Variants in DDX1 observed in about 807,000 individuals in gnomAD.
DDX1 encodes DEAD-box helicase 1.
In DDX1, 28 loss-of-function variants were observed where a neutral mutation model predicts 108.7. The observed-to-expected ratio is 0.26, with a 90% confidence interval of 0.19 to 0.35. The LOEUF (loss-of-function observed/expected upper bound fraction) is 0.35, where lower values mean the gene tolerates loss of function less well. Ranked by LOEUF, DDX1 falls within the 10% of genes least tolerant of loss-of-function variation. The pLI, the probability that DDX1 is intolerant of heterozygous loss-of-function variation, is 1.00. For synonymous variants in DDX1, 295 were observed against 288.9 expected, an observed-to-expected ratio of 1.02 and a Z score of -0.21; for missense variants, 710 against 884.5, an observed-to-expected ratio of 0.80 and a Z score of 2.50.
Position 15,596,721 on chromosome 2 carries a change from T to C in DDX1, c.133-13T>C, listed in dbSNP as rs925463549. On this transcript the variant is annotated splice_polypyrimidine_tract_variant and intron_variant, in intron 3 of 25. Coordinates refer to ENST00000233084, the MANE Select transcript of DDX1 (RefSeq NM_004939.3). ...ACTTAATCTGTAAAATCAACTTTTTTCCCCTCATTCAGGCTGCAGAAACAG... is the reference window on the plus strand; with the variant it reads ...ACTTAATCTGTAAAATCAACTTTTTCCCCCTCATTCAGGCTGCAGAAACAG... 3.1e-6 allele frequency: 5 copies of C among 1,610,614 alleles called. No individual in the cohort carries two copies. The African/African-American group carries it at 5.3e-5, about 17-fold the overall frequency.
At chr2:15,592,021 G>T in intron 1 of DDX1, 72 bp downstream of exon 1, 1 of 1,293,196 alleles carries the variant, frequency 7.7e-7, no homozygotes, top group South Asian at 2.0e-5. Context: ...CGCCCGCGGA[G>T]AGCTAAAGGG....
In DDX1 at chr2:15,618,203, A is replaced by G. The variant is rs1251441114; in HGVS notation, c.1139A>G (p.Tyr380Cys). ...CAGGATGGGCTTCTTTCTCAAGGTT[A>G]TTCTGATTTTATAAATAGGATGCAC... ...DEADGLLSQG[Y>C]SDFINRMHNQ... Residue 380 changes from tyrosine (Y) to cysteine (C), a missense_variant, in exon 16 of 26, where the codon TAT (tyrosine) becomes TGT (cysteine). Tyr to Cys is a radical substitution (Grantham distance 194). Transcript: ENST00000233084. 1 of 1,588,664 alleles carries G rather than the reference A, an allele frequency of 6.3e-7. No homozygotes were observed. The highest frequency in any genetic ancestry group is 1.1e-5 in the South Asian group (1 of 87,188).
chr2:15,597,304 C>A, intron 4 of DDX1, 71 bp from the exon 5 acceptor site: 1 of 969,300 alleles, frequency 1.0e-6, no homozygotes, highest in South Asian at 1.5e-5. Flanking sequence ...TAACTTTTGT[C>A]ATTTATATTG....
chr2:15,602,446 G>T (rs75048671), intron 6 of DDX1, 102 bp from the exon 7 acceptor site: 5 of 756,414 alleles, frequency 6.6e-6, no homozygotes, highest in South Asian at 3.1e-5. Flanking sequence ...GAATTATCTT[G>T]TTAGTGAGAC....
At chr2:15,613,319 C>T (rs1362784384) in intron 14 of DDX1, 35 bp downstream of exon 14, 2 of 1,459,314 alleles carry the variant, frequency 1.4e-6, no homozygotes, top group Non-Finnish European at 1.9e-6. Flanking sequence ...AACATAATGT[C>T]ATGGGCTGTC....
chr2:15,619,476 T>C lies in DDX1; in HGVS notation c.1207-732T>C, dbSNP rs181885734. On this transcript the variant is annotated intron_variant, in intron 16 of 25. Transcript: ENST00000233084. Reference sequence around the variant, plus strand: ...CCACTGCAGCTCCTGCAGCCTCTCTTGCTGCCGCTGCTCATGTCTCCCCGC... The same window carrying C: ...CCACTGCAGCTCCTGCAGCCTCTCTCGCTGCCGCTGCTCATGTCTCCCCGC... Among the ~76,000 whole-genome samples the C allele has an allele frequency of 1.7e-3, 258 of 152,334 alleles. 4 individuals carry two copies. The highest frequency in any genetic ancestry group is 6.1e-3 in the African/African-American group (252 of 41,586).
chr2:15,596,183 G>A (rs568198626), intron 3 of DDX1, among the ~76,000 whole-genome samples: 7 of 152,236 alleles, frequency 4.6e-5, no homozygotes, highest in Admixed American at 6.5e-5. Context: ...CAGATTTTTC[G>A]CAAGGGAAGA....
intron 14 of DDX1, among the ~76,000 whole-genome samples, chr2:15,613,526 A>G (rs1665838167): frequency 6.6e-6 from 1 of 152,184 alleles, no homozygotes; most frequent in South Asian, 2.1e-4. Context: ...CCCTCTGAAC[A>G]TTTGAGAATT....
chr2:15,617,143 A>G, intron 14 of DDX1, 101 bp from the exon 15 acceptor site: 1 of 503,206 alleles, frequency 2.0e-6, no homozygotes. Context: ...GACTACTTCA[A>G]TATGCATGTT....
chr2:15,621,866 C>T (rs1157603639), intron 18 of DDX1, among the ~76,000 whole-genome samples: 1 of 152,128 alleles, frequency 6.6e-6, no homozygotes, highest in Non-Finnish European at 1.5e-5. Context: ...GTGGGCCAGG[C>T]TGGTCTTGAA....
intron 15 of DDX1, 118 bp from the exon 16 acceptor site, chr2:15,618,063 A>G (rs1665929462): frequency 3.6e-6 from 2 of 560,494 alleles, no homozygotes; most frequent in Middle Eastern, 4.7e-4. Flanking sequence ...ATGTATATGC[A>G]TGAATTAGTT....
chr2:15,594,888 A>T (rs890823524), intron 1 of DDX1, among the ~76,000 whole-genome samples: 13 of 152,220 alleles, frequency 8.5e-5, no homozygotes, highest in Non-Finnish European at 1.3e-4. Context: ...CAAGGTAGGC[A>T]ATATCAGCCC....
intron 19 of DDX1, 124 bp downstream of exon 19, chr2:15,623,706 A>G: frequency 1.3e-6 from 1 of 748,818 alleles, no homozygotes; most frequent in South Asian, 1.9e-5. Context: ...TATTTTAAGT[A>G]TCTATGCTTA....
chr2:15,595,527 A>T lies in DDX1; in HGVS notation c.106A>T (p.Ile36Phe), dbSNP rs996518951. 1.2e-6 allele frequency: 2 copies of T among 1,610,452 alleles called. No homozygotes were observed. Among genetic ancestry groups the T allele is most frequent in the African/African-American group, 2.7e-5 (2 of 74,964 alleles). ...TATCCAGGCTGAATCTATCCCATTG[A>T]TCTTAGGAGGAGGTGATGTACTTAT... The part of the protein sequence containing the change: ...TDIQAESIPL[I>F]LGGGDVLMAA... The change falls in exon 3 of 26, where the codon ATC (isoleucine) becomes TTC (phenylalanine). Residue 36 changes from isoleucine to phenylalanine, a missense_variant. Ile to Phe is a conservative substitution (Grantham distance 21, BLOSUM62 0). This residue lies in a region of DDX1 where 48 missense variants were observed against 57.5 expected (regional missense o/e 0.83). Coordinates refer to ENST00000233084, the MANE Select transcript of DDX1 (RefSeq NM_004939.3).
At chr2:15,614,829 G>A (rs941412958) in intron 14 of DDX1, among the ~76,000 whole-genome samples, 4 of 152,186 alleles carry the variant, frequency 2.6e-5, no homozygotes, top group Admixed American at 1.3e-4. Context: ...TTTAGTGGTT[G>A]TAAGAGAGAT....
chr2:15,597,351 A>G, intron 4 of DDX1, 24 bp from the exon 5 acceptor site: 1 of 1,433,644 alleles, frequency 7.0e-7, no homozygotes, highest in Non-Finnish European at 9.7e-7. Context: ...ATACTAATAT[A>G]GATACCTTTT....
At position 15,607,278 on chromosome 2, in the gene DDX1, G is replaced by A. The variant is rs533871635; in HGVS notation, c.921G>A (p.Lys307=). 2 of 1,612,704 alleles carry A rather than the reference G, an allele frequency of 1.2e-6. No individual in the cohort carries two copies. The highest frequency in any genetic ancestry group is 1.1e-5 in the South Asian group (1 of 91,014). ...ELAEQTLNNI[K]QFKKYIDNPK... is the part of the protein sequence containing the mutation. ...CTGAACAAACTTTGAACAACATCAAGCAGTTTAAGAAATACATTGATAATC... is the reference window on the plus strand; with the variant it reads ...CTGAACAAACTTTGAACAACATCAAACAGTTTAAGAAATACATTGATAATC... The change falls in exon 13 of 26, where the codon AAG becomes AAA. Residue 307 remains lysine (K), a synonymous_variant. Transcript: ENST00000233084.
In DDX1 at chr2:15,629,980, C is replaced by T. The variant is rs1341702530; in HGVS notation, c.1972-10C>T. 2 of 1,576,008 alleles carry T rather than the reference C, an allele frequency of 1.3e-6. No homozygotes were observed. The highest frequency in any genetic ancestry group is 4.0e-5 in the Admixed American group (2 of 50,122). On this transcript the variant is annotated splice_polypyrimidine_tract_variant and intron_variant, in intron 24 of 25. Coordinates refer to ENST00000233084, the MANE Select transcript of DDX1 (RefSeq NM_004939.3). ...AATTTTTATTTGGAAATTTTCTCTC[C>T]ATTACTTAGTTACTATCTGAGATAG...
At chr2:15,618,145 A>G (rs1404674096) in intron 15 of DDX1, 36 bp from the exon 16 acceptor site, 2 of 1,314,802 alleles carry the variant, frequency 1.5e-6, no homozygotes, top group Non-Finnish European at 2.1e-6. Context: ...TTCCATACTG[A>G]TTAAAAACTT....
Sources: gnomAD v4.1 joint callset for allele counts (sites outside exome capture counted in the v4.1 genomes callset) on GRCh38, gnomAD v4.1.1 for gene constraint, gnomAD v4.1.1 regional missense constraint, MANE v1.5 for transcripts, NCBI Gene and HGNC (gene_info 2026-07-23, HGNC 2026-07-21) for gene names.